SEMA3A: variants seen among roughly 807,000 people sequenced by gnomAD.
SEMA3A encodes the protein semaphorin 3A.
SEMA3A carries 29 observed loss-of-function variants against 97.9 expected under a neutral mutation model. The ratio of observed to expected loss-of-function variants is 0.30; its 90% CI spans 0.22 to 0.40. The LOEUF is 0.40. SEMA3A is among the 10% of genes least tolerant of loss of function. The pLI is 1.00. For missense variants in SEMA3A, 763 were observed against 951.3 expected, an observed-to-expected ratio of 0.80 and a Z score of 2.60; for synonymous variants, 321 against 323.7, an observed-to-expected ratio of 0.99 and a Z score of 0.09.
intron 3 of SEMA3A, among the ~76,000 whole-genome samples, chr7:84,292,467 C>A (rs1800774345): frequency 6.6e-6 from 1 of 150,948 alleles, no homozygotes; most frequent in African/African-American, 2.4e-5. Flanking sequence ...ATTATGCAAC[C>A]ATTTCTTGGT....
chr7:84,166,095 A>G (rs1797196515), intron 1 of SEMA3A, among the ~76,000 whole-genome samples: 1 of 151,908 alleles, frequency 6.6e-6, no homozygotes, highest in African/African-American at 2.4e-5. Flanking sequence ...CAACATACAG[A>G]GACACTCTCT....
In SEMA3A at chr7:83,960,015, GAA is replaced by G. The variant is rs1352537084; in HGVS notation, c.*1354_*1355del. On this transcript the variant is annotated 3_prime_UTR_variant, in exon 17 of 17. Transcript: ENST00000265362. ...GTAGAAAAGTCCCTCCCATTGATAT[GAA>G]AAGAGTCATGTGTTTCTTGTACAAA... The G allele has an allele frequency of 1.3e-5, 2 of 152,034 alleles. No individual in the cohort carries two copies. Among genetic ancestry groups the G allele is most frequent in the East Asian group, 3.9e-4 (2 of 5,192 alleles). The allele number at this position is 152,034 out of a possible 1,614,324, so 9.4% of individuals were successfully genotyped here.
chr7:84,452,805 T>C (rs1805591360), intron 1 of SEMA3A, among the ~76,000 whole-genome samples: 1 of 152,180 alleles, frequency 6.6e-6, no homozygotes, highest in African/African-American at 2.4e-5. Flanking sequence ...AGTTCATCTG[T>C]CATTGACCAG....
intron 2 of SEMA3A, among the ~76,000 whole-genome samples, chr7:84,131,469 A>G (rs542881458): frequency 7.9e-5 from 12 of 152,310 alleles, no homozygotes; most frequent in Admixed American, 1.3e-4. Flanking sequence ...CACATGTTAT[A>G]TAATAAGCAT....
chr7:84,052,393 G>A (rs1260377676), intron 5 of SEMA3A, among the ~76,000 whole-genome samples: 1 of 152,292 alleles, frequency 6.6e-6, no homozygotes, highest in East Asian at 1.9e-4. Flanking sequence ...TTCAGATCCT[G>A]TTATTGGTCT....
intron 5 of SEMA3A, among the ~76,000 whole-genome samples, chr7:84,055,461 G>C (rs1486802496): frequency 6.6e-6 from 1 of 152,080 alleles, no homozygotes. Flanking sequence ...GGAGTGACCC[G>C]ATTTTCCAGG....
chr7:84,403,384 A>C (rs1218281815), intron 1 of SEMA3A, among the ~76,000 whole-genome samples: 1 of 152,204 alleles, frequency 6.6e-6, no homozygotes, highest in African/African-American at 2.4e-5. Context: ...TGAGTAGGTA[A>C]ACAAAGCGGC....
intron 1 of SEMA3A, among the ~76,000 whole-genome samples, chr7:84,407,643 A>G (rs1286248972): frequency 1.3e-5 from 2 of 151,586 alleles, no homozygotes; most frequent in Non-Finnish European, 2.9e-5. Flanking sequence ...ACTTCAAACT[A>G]TACTACAAGG....
intron 1 of SEMA3A, among the ~76,000 whole-genome samples, chr7:84,378,490 A>G (rs942647077): frequency 6.6e-6 from 1 of 152,164 alleles, no homozygotes; most frequent in African/African-American, 2.4e-5. Context: ...GTTCTCACTC[A>G]TAAGTGGGAG....
intron 9 of SEMA3A, among the ~76,000 whole-genome samples, chr7:84,009,266 A>C (rs991694692): frequency 6.6e-6 from 1 of 152,238 alleles, no homozygotes; most frequent in Non-Finnish European, 1.5e-5. Context: ...AGTAAACAGA[A>C]GAAATGGATT....
intron 1 of SEMA3A, among the ~76,000 whole-genome samples, chr7:84,175,140 C>T (rs1370496234): frequency 6.6e-6 from 1 of 152,068 alleles, no homozygotes; most frequent in Non-Finnish European, 1.5e-5. Flanking sequence ...CATGGAGATT[C>T]TAGCTTTTTT....
intron 1 of SEMA3A, among the ~76,000 whole-genome samples, chr7:84,151,153 A>G (rs1173196100): frequency 6.6e-6 from 1 of 151,642 alleles, no homozygotes; most frequent in Non-Finnish European, 1.5e-5. Context: ...AACAGAACAG[A>G]AAAACTGGAA....
At chr7:84,399,072 C>A (rs1045961742) in intron 1 of SEMA3A, among the ~76,000 whole-genome samples, 2 of 152,112 alleles carry the variant, frequency 1.3e-5, no homozygotes, top group African/African-American at 4.8e-5. Flanking sequence ...CTATACCACA[C>A]CTCCTCCAAC....
intron 2 of SEMA3A, among the ~76,000 whole-genome samples, chr7:84,328,428 A>C (rs1468360769): frequency 1.3e-5 from 2 of 152,026 alleles, no homozygotes; most frequent in African/African-American, 4.8e-5. Flanking sequence ...AGAAAATGAA[A>C]GAGCAGGAGA....
At chr7:84,111,279 T>C (rs1473147717) in intron 3 of SEMA3A, among the ~76,000 whole-genome samples, 1 of 152,168 alleles carries the variant, frequency 6.6e-6, no homozygotes, top group Non-Finnish European at 1.5e-5. Context: ...TGGGCACACA[T>C]GACAGGACTG....
intron 2 of SEMA3A, among the ~76,000 whole-genome samples, chr7:84,347,410 CTTTTTT>C (rs549082504): frequency 7.3e-6 from 1 of 136,506 alleles, no homozygotes. Context: ...TTCTTCAAAC[CTTTTTT>C]TTTTTTTTTT....
intron 9 of SEMA3A, among the ~76,000 whole-genome samples, chr7:84,010,492 A>AT (rs1372158473): frequency 6.6e-6 from 1 of 152,098 alleles, no homozygotes; most frequent in Non-Finnish European, 1.5e-5. Flanking sequence ...TTCCAGATGT[A>AT]TTTTGTCCCC....
chr7:84,024,521 G>A (rs1791473581), intron 6 of SEMA3A, among the ~76,000 whole-genome samples: 1 of 151,740 alleles, frequency 6.6e-6, no homozygotes, highest in South Asian at 2.1e-4. Context: ...ACTCCAGCCT[G>A]AGCAAGAGAG....
At chr7:84,314,941 A>G (rs1321868086) in intron 2 of SEMA3A, among the ~76,000 whole-genome samples, 1 of 152,190 alleles carries the variant, frequency 6.6e-6, no homozygotes, top group African/African-American at 2.4e-5. Flanking sequence ...ATTTGTTTTA[A>G]TCTCATAATA....
Sources: allele counts gnomAD v4.1 joint callset (sites outside exome capture counted in the v4.1 genomes callset), GRCh38; gene constraint gnomAD v4.1.1; transcripts MANE v1.5; gene names NCBI Gene and HGNC (gene_info 2026-07-23, HGNC 2026-07-21).